Variants in LAPTM4B observed in about 807,000 individuals in gnomAD.
LAPTM4B encodes the protein lysosomal protein transmembrane 4 beta.
Under a neutral mutation model 28.5 loss-of-function variants are expected in LAPTM4B, and 26 were observed. The ratio of observed to expected loss-of-function variants is 0.91; its 90% confidence interval spans 0.67 to 1.27. The LOEUF (loss-of-function observed/expected upper bound fraction) is 1.27. Among genes scored for constraint, LAPTM4B ranks in the 50% most tolerant of loss-of-function variants. LAPTM4B has a pLI of 0.00. For missense variants in LAPTM4B, 288 were observed against 285.8 expected (o/e 1.01, Z -0.06); for synonymous variants, 109 against 106.4 (o/e 1.02, Z -0.15).
chr8:97,801,426 T>C (rs1816678069), intron 1 of LAPTM4B, among the ~76,000 whole-genome samples: 1 of 152,090 alleles, frequency 6.6e-6, no homozygotes, highest in East Asian at 1.9e-4. Flanking sequence ...AGGTGATCCA[T>C]CTGCCTCGGC....
At chr8:97,816,993 C>T (rs1195837243) in intron 4 of LAPTM4B, among the ~76,000 whole-genome samples, 1 of 152,100 alleles carries the variant, frequency 6.6e-6, no homozygotes, top group African/African-American at 2.4e-5. Flanking sequence ...CTGCTGTATA[C>T]TAGCTCCCAA....
intron 2 of LAPTM4B, among the ~76,000 whole-genome samples, chr8:97,813,479 G>A (rs1294280272): frequency 6.6e-6 from 1 of 152,132 alleles, no homozygotes; most frequent in Non-Finnish European, 1.5e-5. Context: ...TCCACTGACT[G>A]AAATGTTAAT....
intron 2 of LAPTM4B, among the ~76,000 whole-genome samples, chr8:97,813,016 GA>G (rs1184878643): frequency 3.9e-5 from 6 of 152,218 alleles, no homozygotes; most frequent in African/African-American, 1.4e-4. Flanking sequence ...GTGTCTTACT[GA>G]AATCGTAGGA....
rs760651235 is a variant in LAPTM4B at position 97,815,335 on chromosome 8, C to T, written c.219C>T (p.Cys73=). The T allele has an allele frequency of 5.9e-5, 96 of 1,613,458 alleles. No individual in the cohort carries two copies. The highest frequency in any genetic ancestry group is 7.9e-5 in the Non-Finnish European group (93 of 1,179,556). Residue 73 remains cysteine (C), a synonymous_variant, in exon 3 of 7, where the codon TGC becomes TGT. Transcript: ENST00000521545. ...TTTTTAATCTTTCGGCAGACATGTG[C>T]ATTGCCATTGCGATTTCTCTTCTCA... is the stretch of plus-strand genomic sequence containing the variant. ...DFEFMDDANM[C]IAIAISLLMI... is the part of the protein sequence containing the mutation.
chr8:97,823,231 C>T lies in LAPTM4B; in HGVS notation c.508-1827C>T, dbSNP rs183237993. Among the ~76,000 whole-genome samples, 501 of 152,138 alleles carry T rather than the reference C, an allele frequency of 3.3e-3. 3 individuals carry two copies. The highest frequency in any genetic ancestry group is 5.2e-3 in the Admixed American group (79 of 15,272). On this transcript the variant is annotated intron_variant, in intron 5 of 6. Transcript: ENST00000521545. ...ACCTGGGCTTTTCAAGACAGCAGGT[C>T]GAGGTTTTTCCCCTTTTGGAGTGTG...
At chr8:97,837,776 A>G (rs1294771060) in intron 6 of LAPTM4B, among the ~76,000 whole-genome samples, 1 of 143,890 alleles carries the variant, frequency 6.9e-6, no homozygotes, top group African/African-American at 2.5e-5. Flanking sequence ...AGGGGAGAGA[A>G]AGAAGATTCT....
At chr8:97,845,864 T>TTCCTC (rs1563624195) in intron 6 of LAPTM4B, among the ~76,000 whole-genome samples, 3 of 5,770 alleles carry the variant, frequency 5.2e-4, no homozygotes, top group Admixed American at 1.6e-3. Context: ...TTCCCCCCCC[T>TTCCTC]TCCACTCCCC....
At chr8:97,821,615 A>G (rs963448452) in intron 5 of LAPTM4B, among the ~76,000 whole-genome samples, 1 of 151,818 alleles carries the variant, frequency 6.6e-6, no homozygotes, top group Non-Finnish European at 1.5e-5. Context: ...ACGGTTTTGC[A>G]TATGCTCTGC....
chr8:97,850,097 C>T (rs1354248861), intron 6 of LAPTM4B, among the ~76,000 whole-genome samples: 2 of 151,836 alleles, frequency 1.3e-5, no homozygotes, highest in Admixed American at 6.5e-5. Flanking sequence ...TAGCTTGTTC[C>T]GTCCCTGAGT....
chr8:97,802,063 G>A (rs566945867), intron 1 of LAPTM4B, among the ~76,000 whole-genome samples: 1 of 152,262 alleles, frequency 6.6e-6, no homozygotes, highest in African/African-American at 2.4e-5. Context: ...AGAGAAACAA[G>A]ATACTGTTAT....
intron 2 of LAPTM4B, among the ~76,000 whole-genome samples, chr8:97,806,929 G>T (rs1051467069): frequency 6.6e-6 from 1 of 152,170 alleles, no homozygotes. Context: ...GTGCACTTCA[G>T]CCTGGGCAAC....
intron 1 of LAPTM4B, among the ~76,000 whole-genome samples, chr8:97,804,931 A>G (rs1816737697): frequency 6.6e-6 from 1 of 152,188 alleles, no homozygotes; most frequent in Admixed American, 6.5e-5. Context: ...ACTAGTTTGA[A>G]CCTGTAAAAT....
At chr8:97,828,044 CCTT>C (rs1029986058) in intron 6 of LAPTM4B, among the ~76,000 whole-genome samples, 2 of 152,116 alleles carry the variant, frequency 1.3e-5, no homozygotes, top group African/African-American at 4.8e-5. Context: ...CTCCAGGAGG[CCTT>C]CTGGATGTAT....
Position 97,851,807 on chromosome 8 carries a change from C to T in LAPTM4B, c.*333C>T, listed in dbSNP as rs1213722491. The T allele has an allele frequency of 1.7e-5, 5 of 287,080 alleles. No homozygotes were observed. The highest frequency in any genetic ancestry group is 9.7e-5 in the Admixed American group (2 of 20,682). The allele number at this position is 287,080 out of a possible 1,614,324, so 17.8% of individuals were successfully genotyped here. On this transcript the variant is annotated 3_prime_UTR_variant, in exon 7 of 7. Coordinates refer to ENST00000521545, the MANE Select transcript of LAPTM4B (RefSeq NM_018407.6). ...GCCCCAAAGTTGGGCATTTTTCTCT[C>T]TGTTCCCTCTCTTTTGAAAATGTAA...
intron 1 of LAPTM4B, among the ~76,000 whole-genome samples, chr8:97,786,069 G>T (rs1201721221): frequency 6.6e-6 from 1 of 152,156 alleles, no homozygotes; most frequent in Non-Finnish European, 1.5e-5. Flanking sequence ...CACCTTTTGG[G>T]CTGATTTGTC....
intron 1 of LAPTM4B, among the ~76,000 whole-genome samples, chr8:97,798,321 C>T (rs1014085287): frequency 1.3e-5 from 2 of 152,154 alleles, no homozygotes; most frequent in Non-Finnish European, 2.9e-5. Context: ...CTATTCACAT[C>T]ATTCATGGTG....
intron 6 of LAPTM4B, among the ~76,000 whole-genome samples, chr8:97,843,651 G>T (rs979097936): frequency 6.6e-6 from 1 of 152,008 alleles, no homozygotes; most frequent in Non-Finnish European, 1.5e-5. Flanking sequence ...GTGGTGGCAG[G>T]TGCATGTAAT....
At position 97,797,300 on chromosome 8, in the gene LAPTM4B, A is replaced by C. The variant is rs945150091; in HGVS notation, c.100-8053A>C. On this transcript the variant is annotated intron_variant, in intron 1 of 6. Coordinates refer to ENST00000521545, the MANE Select transcript of LAPTM4B (RefSeq NM_018407.6). ...CAGACATGCGCCACCACGCACGGCT[A>C]ATTTTCTATTTTAGTAGAGAAGAGG... is the stretch of plus-strand genomic sequence containing the variant. 1.2e-4 allele frequency among the ~76,000 whole-genome samples: 18 copies of C among 151,912 alleles called. 1 individual carries two copies. In the South Asian group the frequency reaches 3.7e-3, roughly 31 times the overall value.
chr8:97,787,615 A>G (rs1019751201), intron 1 of LAPTM4B, among the ~76,000 whole-genome samples: 1 of 152,136 alleles, frequency 6.6e-6, no homozygotes, highest in Admixed American at 6.5e-5. Flanking sequence ...CTAACTTATT[A>G]AAGTCTGGGG....
Sources: gnomAD v4.1 joint callset for allele counts (sites outside exome capture counted in the v4.1 genomes callset) on GRCh38, gnomAD v4.1.1 for gene constraint, MANE v1.5 for transcripts, NCBI Gene and HGNC (gene_info 2026-07-23, HGNC 2026-07-21) for gene names.